Variants in EYA1 observed in about 807,000 individuals in gnomAD.
EYA1 encodes EYA transcriptional coactivator and phosphatase 1, also known as protein phosphatase EYA1.
In EYA1, 16 loss-of-function variants were observed where a neutral mutation model predicts 82.0. The ratio of observed to expected loss-of-function variants is 0.20; its 90% confidence interval spans 0.13 to 0.30. The LOEUF (loss-of-function observed/expected upper bound fraction) is 0.30, where lower values mean the gene tolerates loss of function less well. Ranked by LOEUF, EYA1 falls within the 10% of genes least tolerant of loss-of-function variation. The pLI, the probability that EYA1 is intolerant of heterozygous loss-of-function variation, is 1.00. For synonymous variants in EYA1, 261 were observed against 264.4 expected, an observed-to-expected ratio of 0.99 and a Z score of 0.12; for missense variants, 633 against 730.7, an observed-to-expected ratio of 0.87 and a Z score of 1.54.
intron 1 of EYA1, chr8:71,547,811 G>A (rs1815784128): frequency 6.6e-6 from 1 of 150,872 alleles, no homozygotes; most frequent in Non-Finnish European, 1.5e-5. Context: ...AGCCACGGTG[G>A]GGAGCGGGCG....
At chr8:71,320,341 A>G (rs1329710318) in intron 6 of EYA1, among the ~76,000 whole-genome samples, 1 of 152,220 alleles carries the variant, frequency 6.6e-6, no homozygotes, top group African/African-American at 2.4e-5. Flanking sequence ...GTGGACTGGA[A>G]AATACATTTA....
At position 71,419,539 on chromosome 8, in the gene EYA1, G is replaced by A. The variant is rs1351741178; in HGVS notation, c.34-63028C>T. 3.9e-5 allele frequency among the ~76,000 whole-genome samples: 6 copies of A among 152,076 alleles called. 1 individual carries two copies. The highest frequency in any genetic ancestry group is 9.7e-5 in the African/African-American group (4 of 41,408). On this transcript the variant is annotated intron_variant, in intron 2 of 18. Coordinates refer to the EYA1 transcript ENST00000643681. ...ATGTCTCAGATCTTCAGTTGTTGGT[G>A]GGGAATTGGGATGGAAAGTGACAGT...
chr8:71,480,610 T>A (rs1392700788), intron 2 of EYA1, among the ~76,000 whole-genome samples: 1 of 152,096 alleles, frequency 6.6e-6, no homozygotes, highest in Non-Finnish European at 1.5e-5. Context: ...AAAAATCCCA[T>A]GAATTCCTTT....
intron 2 of EYA1, among the ~76,000 whole-genome samples, chr8:71,429,982 T>C (rs902831606): frequency 2.6e-5 from 4 of 152,198 alleles, no homozygotes; most frequent in Non-Finnish European, 5.9e-5. Flanking sequence ...TAAGTCTATA[T>C]ATAAACTTAC....
chr8:71,374,652 T>C (rs1229205470), intron 2 of EYA1, among the ~76,000 whole-genome samples: 1 of 152,180 alleles, frequency 6.6e-6, no homozygotes, highest in African/African-American at 2.4e-5. Context: ...TTGCTGGGTA[T>C]ACAACCAAAT....
chr8:71,486,074 T>C (rs771653821), intron 2 of EYA1, among the ~76,000 whole-genome samples: 2 of 152,086 alleles, frequency 1.3e-5, no homozygotes, highest in African/African-American at 2.4e-5. Flanking sequence ...GTTTGAAGGG[T>C]GCGGCAGAAT....
chr8:71,361,851 C>G lies in EYA1; in HGVS notation c.-259G>C. 6.1e-6 allele frequency: 6 copies of G among 985,410 alleles called. No homozygotes were observed. The highest frequency in any genetic ancestry group is 7.2e-6 in the Non-Finnish European group (6 of 829,916). The allele number at this position is 985,410 out of a possible 1,614,324, so 61.0% of individuals were successfully genotyped here. ...CAGGGGGCAGGCGCCTGGCCGCTGC[C>G]GCAGGCTCGGGCTGCCGAGCGACTG... On this transcript the variant is annotated 5_prime_UTR_variant, in exon 1 of 18. Transcript: ENST00000340726.
At chr8:71,454,356 G>C (rs1443639067) in intron 2 of EYA1, among the ~76,000 whole-genome samples, 2 of 152,178 alleles carry the variant, frequency 1.3e-5, no homozygotes, top group African/African-American at 4.8e-5. Flanking sequence ...ACATTAGACA[G>C]ATCAATGAGA....
At chr8:71,348,344 C>A (rs1825962262) in intron 3 of EYA1, among the ~76,000 whole-genome samples, 1 of 152,152 alleles carries the variant, frequency 6.6e-6, no homozygotes. Flanking sequence ...TAAATACTAC[C>A]ATTCACTAAG....
intron 2 of EYA1, among the ~76,000 whole-genome samples, chr8:71,405,614 A>G (rs1436500960): frequency 1.1e-4 from 17 of 152,324 alleles, no homozygotes; most frequent in Non-Finnish European, 1.5e-5. Context: ...ATGGGTGAAT[A>G]AATGAATGCA....
chr8:71,403,492 T>A (rs1563577143), intron 2 of EYA1: 1 of 152,178 alleles, frequency 6.6e-6, no homozygotes, highest in South Asian at 2.1e-4. Flanking sequence ...AGTTTGCATA[T>A]ACAGGCTATG....
intron 2 of EYA1, 116 bp from the exon 3 acceptor site, chr8:71,355,025 A>G: frequency 3.9e-6 from 4 of 1,031,412 alleles, no homozygotes; most frequent in Non-Finnish European, 6.0e-6. Context: ...CATTGTATCT[A>G]TTTCTTAGAC....
rs778272920 is a variant in EYA1 at position 71,269,716 on chromosome 8, A to G, written c.1050+24T>C. 3 of 1,577,822 alleles carry G rather than the reference A, an allele frequency of 1.9e-6. No individual in the cohort carries two copies. The Admixed American group carries it at 5.0e-5, about 26-fold the overall frequency. Reference sequence around the variant, plus strand: ...GGTATATTTACTCCAAAGAAATTAAAAACTGATGCCTCTTGGTACTCACCC... The same window carrying G: ...GGTATATTTACTCCAAAGAAATTAAGAACTGATGCCTCTTGGTACTCACCC... On this transcript the variant is annotated intron_variant, in intron 11 of 17. Coordinates refer to ENST00000340726, the MANE Select transcript of EYA1 (RefSeq NM_000503.6).
Position 71,377,754 on chromosome 8 carries a change from C to G in EYA1, c.34-21243G>C, listed in dbSNP as rs565175008. Among the ~76,000 whole-genome samples the G allele has an allele frequency of 5.9e-5, 9 of 152,286 alleles. No individual in the cohort carries two copies. In the South Asian group the frequency reaches 1.7e-3, roughly 28 times the overall value. ...ACTACCTCCCAATTTCTGCCTCTAC[C>G]CAGCCCCTGGTAACTACCATTCTAC... On this transcript the variant is annotated intron_variant, in intron 2 of 18. Transcript: ENST00000643681.
intron 2 of EYA1, among the ~76,000 whole-genome samples, chr8:71,424,541 C>G (rs1044319347): frequency 5.3e-5 from 8 of 152,132 alleles, no homozygotes; most frequent in African/African-American, 1.7e-4. Flanking sequence ...AAATATGAAG[C>G]CCACTCACAT....
At chr8:71,336,312 G>A (rs990756591) in intron 3 of EYA1, among the ~76,000 whole-genome samples, 1 of 152,178 alleles carries the variant, frequency 6.6e-6, no homozygotes, top group African/African-American at 2.4e-5. Context: ...GCTCTCCTAC[G>A]GTCTTAGGGC....
intron 4 of EYA1, among the ~76,000 whole-genome samples, chr8:71,323,277 G>A (rs1822792565): frequency 1.3e-5 from 2 of 151,520 alleles, no homozygotes; most frequent in African/African-American, 2.4e-5. Context: ...TATTCCTTGG[G>A]GGCAATTATT....
intron 12 of EYA1, among the ~76,000 whole-genome samples, chr8:71,231,306 T>C (rs1159344930): frequency 6.6e-6 from 1 of 152,228 alleles, no homozygotes; most frequent in Non-Finnish European, 1.5e-5. Flanking sequence ...CGGCATCCAT[T>C]GTAAAATCCA....
intron 2 of EYA1, among the ~76,000 whole-genome samples, chr8:71,506,516 G>A (rs1011312776): frequency 1.3e-5 from 2 of 152,164 alleles, no homozygotes; most frequent in African/African-American, 4.8e-5. Context: ...AAACCCATGT[G>A]TGCCAATTAT....
Sources: allele counts gnomAD v4.1 joint callset (sites outside exome capture counted in the v4.1 genomes callset), GRCh38; gene constraint gnomAD v4.1.1; transcripts MANE v1.5; gene names NCBI Gene and HGNC (gene_info 2026-07-23, HGNC 2026-07-21).